The following NR2C1 variants were observed in gnomAD, a reference collection of about 807,000 sequenced individuals.
The protein encoded by NR2C1 is nuclear receptor subfamily 2 group C member 1, also known as TR2 nuclear hormone receptor.
In NR2C1, 33 loss-of-function variants were observed where a neutral mutation model predicts 74.8. That is an observed-to-expected ratio of 0.44 (90% CI 0.33 to 0.59). The LOEUF (loss-of-function observed/expected upper bound fraction) is 0.59, where lower values mean the gene tolerates loss of function less well. NR2C1 is among the 20% of genes least tolerant of loss of function. NR2C1 has a pLI of 0.02. For missense variants in NR2C1, 568 were observed against 715.6 expected, an observed-to-expected ratio of 0.79 and a Z score of 2.35; for synonymous variants, 225 against 240.6, an observed-to-expected ratio of 0.94 and a Z score of 0.60.
chr12:95,067,240 T>C (rs1253070834), intron 2 of NR2C1, 91 bp downstream of exon 2: 1 of 986,160 alleles, frequency 1.0e-6, no homozygotes, highest in African/African-American at 1.6e-5. Flanking sequence ...GGAATATCTT[T>C]TATTTCTGGA....
In NR2C1 at chr12:95,071,366, T is replaced by C. The variant is rs560410362; in HGVS notation, c.-8+2014A>G. Among the ~76,000 whole-genome samples the C allele has an allele frequency of 8.0e-4, 122 of 152,352 alleles. 1 individual carries two copies. Among genetic ancestry groups the C allele is most frequent in the African/African-American group, 2.8e-3 (117 of 41,586 alleles). On this transcript the variant is annotated intron_variant, in intron 1 of 13. Coordinates refer to ENST00000333003, the MANE Select transcript of NR2C1 (RefSeq NM_003297.4). ...AATTTTATCTAAAGGTGCATTTTTC[T>C]AGACAAGTTCATAAAAGACTTCAAG...
intron 2 of NR2C1, among the ~76,000 whole-genome samples, chr12:95,063,285 T>G (rs1287059319): frequency 1.3e-5 from 2 of 152,016 alleles, no homozygotes; most frequent in African/African-American, 4.8e-5. Context: ...GGAAGAACAT[T>G]CCAGGTAGAG....
intron 7 of NR2C1, among the ~76,000 whole-genome samples, chr12:95,055,095 C>G (rs376545477): frequency 6.6e-6 from 1 of 152,298 alleles, no homozygotes; most frequent in East Asian, 1.9e-4. Context: ...TCAACAGGAT[C>G]CCAAGGCAGA....
At chr12:95,026,066 G>C (rs1321046487) in intron 12 of NR2C1, among the ~76,000 whole-genome samples, 1 of 151,954 alleles carries the variant, frequency 6.6e-6, no homozygotes, top group Non-Finnish European at 1.5e-5. Context: ...AATTAGCTGG[G>C]TGTGGTGGCA....
Position 95,057,628 on chromosome 12 carries a change from TAA to T in NR2C1, c.706_707del (p.Leu236ArgfsTer16). On this transcript the variant is annotated frameshift_variant, in exon 7 of 14. Coordinates refer to ENST00000333003, the MANE Select transcript of NR2C1 (RefSeq NM_003297.4). LOFTEE classifies it high-confidence loss of function. ...GAATATTCATGAACATTCCTGAATC[TAA>T]CAGTCCTGTTGACCTGTAACAAATC... ...DSESTRSTGL[L>X]DSGMFMNIHP... 6.2e-7 allele frequency: 1 copy of T among 1,613,984 alleles called. No individual in the cohort carries two copies. The highest frequency in any genetic ancestry group is 1.7e-4 in the Middle Eastern group (1 of 6,058).
chr12:95,052,062 G>C (rs910411249), intron 7 of NR2C1, 119 bp from the exon 8 acceptor site: 4 of 581,924 alleles, frequency 6.9e-6, no homozygotes, highest in South Asian at 3.7e-5. Context: ...ATGAAACCTG[G>C]AAAGTTAAAG....
rs1207678109 is a variant in NR2C1 at position 95,031,312 on chromosome 12, CCTA to C, written c.1393+34_1393+36del. On this transcript the variant is annotated intron_variant, in intron 11 of 13. Coordinates refer to ENST00000333003, the MANE Select transcript of NR2C1 (RefSeq NM_003297.4). ...ACATTTAATGAAACTCATGCCTCCT[CCTA>C]CAACCTGGAAAAGGTAAGGAAGGTG... 5 of 1,497,626 alleles carry C rather than the reference CCTA, an allele frequency of 3.3e-6. No individual in the cohort carries two copies. In the East Asian group the frequency reaches 9.9e-5, roughly 30 times the overall value. The allele number at this position is 1,497,626 out of a possible 1,614,324, so 92.8% of individuals were successfully genotyped here.
In NR2C1 at chr12:95,057,585, T is replaced by G; in HGVS notation, c.751A>C (p.Thr251Pro). 6.2e-7 allele frequency: 1 copy of G among 1,613,996 alleles called. No homozygotes were observed. ...FMNIHPSGVKTESAVLMTSDK... is the reference protein window; with the variant it reads ...FMNIHPSGVKPESAVLMTSDK... ...GATGTCATCAGCACAGCTGACTCAG[T>G]TTTTACTCCAGATGGATGAATATTC... Residue 251 changes from threonine to proline, a missense_variant, in exon 7 of 14, where the codon ACT becomes CCT. Around this residue, in one of 6 missense-constraint regions of NR2C1, gnomAD observed 239 missense variants for 232.3 expected, o/e 1.03. Transcript: ENST00000333003.
At chr12:95,032,610 A>G (rs538721056) in intron 10 of NR2C1, among the ~76,000 whole-genome samples, 1 of 152,220 alleles carries the variant, frequency 6.6e-6, no homozygotes, top group Non-Finnish European at 1.5e-5. Flanking sequence ...TTGTCTAATG[A>G]TACAAAATGC....
rs1318181593 is a variant in NR2C1, at chr12:95,057,864, T to C, written c.559A>G (p.Arg187Gly). The C allele has an allele frequency of 6.2e-7, 1 of 1,613,438 alleles. No individual in the cohort carries two copies. Among genetic ancestry groups the C allele is most frequent in the Non-Finnish European group, 8.5e-7 (1 of 1,179,594 alleles). ...GMKQDSVQCERKPIEVSREKS... is the reference protein window; with the variant it reads ...GMKQDSVQCEGKPIEVSREKS... The stretch of plus-strand genomic sequence containing the variant: ...TCTCGTGATACTTCAATGGGTTTTC[T>C]TTCACATTGGACAGCTACAAAAATG... The change falls in exon 6 of 14, where the codon AGA becomes GGA. Residue 187 changes from arginine (R) to glycine (G), a missense_variant. By Grantham distance (125) the Arg-to-Gly change is moderately radical. This residue lies in a region of NR2C1 where 239 missense variants were observed against 232.3 expected (regional missense o/e 1.03). Transcript: ENST00000333003.
intron 13 of NR2C1, 149 bp from the exon 14 acceptor site, chr12:95,022,552 C>T: frequency 1.4e-6 from 1 of 693,850 alleles, no homozygotes; most frequent in Non-Finnish European, 2.4e-6. Flanking sequence ...ATTCTCAAGC[C>T]TTAGAACATA....
intron 2 of NR2C1, among the ~76,000 whole-genome samples, chr12:95,063,072 T>C (rs183554287): frequency 6.6e-6 from 1 of 152,238 alleles, no homozygotes; most frequent in Non-Finnish European, 1.5e-5. Context: ...TTTGCCTTCA[T>C]GAAGCTTTTA....
chr12:95,052,291 G>A lies in NR2C1; in HGVS notation c.784-348C>T, dbSNP rs539591758. 9.2e-5 allele frequency among the ~76,000 whole-genome samples: 14 copies of A among 151,684 alleles called. No individual in the cohort carries two copies. The South Asian group carries it at 2.5e-3, about 27-fold the overall frequency. On this transcript the variant is annotated intron_variant, in intron 7 of 13. Transcript: ENST00000333003. ...CTGCCTCAGCCTCCCAAGTAGCTGG[G>A]ATTACAGGCACATGCTACCATGCCC...
At chr12:95,040,645 C>A in intron 9 of NR2C1, 48 bp from the exon 10 acceptor site, 1 of 1,529,066 alleles carries the variant, frequency 6.5e-7, no homozygotes. Flanking sequence ...CTGAAAAGTT[C>A]TAAATTATCA....
At chr12:95,055,011 C>T (rs60674749) in intron 7 of NR2C1, among the ~76,000 whole-genome samples, 3,160 of 152,266 alleles carry the variant, frequency 0.021, 101 homozygotes, top group African/African-American at 0.072. Context: ...TCTTGCACCG[C>T]CCTTAATCCA....
chr12:95,023,584 AC>A (rs1187610051), intron 13 of NR2C1, among the ~76,000 whole-genome samples: 2 of 147,926 alleles, frequency 1.4e-5, no homozygotes, highest in African/African-American at 5.3e-5. Flanking sequence ...ACTGCCCACT[AC>A]TTATATAAAT....
chr12:95,052,548 C>T (rs937907008), intron 7 of NR2C1, among the ~76,000 whole-genome samples: 1 of 152,156 alleles, frequency 6.6e-6, no homozygotes, highest in African/African-American at 2.4e-5. Context: ...CCTTAAATTT[C>T]TGGGCTCACT....
At chr12:95,069,245 T>A (rs1876211433) in intron 1 of NR2C1, among the ~76,000 whole-genome samples, 1 of 152,178 alleles carries the variant, frequency 6.6e-6, no homozygotes, top group Non-Finnish European at 1.5e-5. Flanking sequence ...CACCTCCTAA[T>A]GAAAACTTAG....
chr12:95,049,303 T>C, intron 8 of NR2C1, 70 bp from the exon 9 acceptor site: 1 of 1,480,170 alleles, frequency 6.8e-7, no homozygotes, highest in Non-Finnish European at 9.2e-7. Flanking sequence ...TACATAGGAT[T>C]CTGGAATTAA....
Sources: allele counts gnomAD v4.1 joint callset (sites outside exome capture counted in the v4.1 genomes callset), GRCh38; gene constraint gnomAD v4.1.1; regional missense constraint gnomAD v4.1.1; transcripts MANE v1.5; gene names NCBI Gene and HGNC (gene_info 2026-07-23, HGNC 2026-07-21).